Variants in DNAJB9 observed in about 807,000 individuals in gnomAD.
The protein encoded by DNAJB9 is dnaJ homolog subfamily B member 9.
DNAJB9 carries 12 observed loss-of-function variants against 19.2 expected under a neutral mutation model. The observed-to-expected ratio is 0.62, with a 90% CI of 0.40 to 1.01. The LOEUF (loss-of-function observed/expected upper bound fraction) is 1.01, where lower values mean the gene tolerates loss of function less well. DNAJB9 is among the 50% of genes least tolerant of loss of function. The pLI is 0.00. For missense variants in DNAJB9, 272 were observed against 261.1 expected, an observed-to-expected ratio of 1.04 and a Z score of -0.29; for synonymous variants, 83 against 84.0, an observed-to-expected ratio of 0.99 and a Z score of 0.07.
chr7:108,573,104 C>T lies in DNAJB9; in HGVS notation c.423C>T (p.Phe141=). The change falls in exon 3 of 3, where the codon TTC becomes TTT. Residue 141 remains phenylalanine (F), a synonymous_variant. Transcript: ENST00000249356. ...TGSKKRFENH[F]QTRQDGGSSR... ...CCAAGAAGCGTTTTGAAAATCATTT[C>T]CAGACACGCCAGGATGGTGGTTCCA... is the stretch of plus-strand genomic sequence containing the variant. The T allele has an allele frequency of 6.2e-7, 1 of 1,614,048 alleles. No homozygotes were observed. Among genetic ancestry groups the T allele is most frequent in the South Asian group, 1.1e-5 (1 of 91,086 alleles).
intron 1 of DNAJB9, among the ~76,000 whole-genome samples, chr7:108,570,512 A>T (rs1310962650): frequency 1.3e-5 from 2 of 152,020 alleles, no homozygotes; most frequent in Non-Finnish European, 2.9e-5. Context: ...GCTAAAAAAA[A>T]ATCATTAGAT....
In DNAJB9 at chr7:108,573,178, T is replaced by A; in HGVS notation, c.497T>A (p.Phe166Tyr). 1 of 1,614,076 alleles carries A rather than the reference T, an allele frequency of 6.2e-7. No homozygotes were observed. The highest frequency in any genetic ancestry group is 8.5e-7 in the Non-Finnish European group (1 of 1,179,946). ...FQEFSFGGGL[F>Y]DDMFEDMEKM... is the part of the protein sequence containing the mutation. ...GAATTTTCTTTTGGAGGTGGATTAT[T>A]TGATGACATGTTTGAAGATATGGAG... Residue 166 changes from phenylalanine (F) to tyrosine (Y), a missense_variant, in exon 3 of 3, where the codon TTT becomes TAT. Transcript: ENST00000249356.
Position 108,573,039 on chromosome 7 carries a change from A to G in DNAJB9, c.358A>G (p.Lys120Glu). ...TAACTTCAATTTTGATGACTTATTT[A>G]AAGACTTTGGCTTTTTTGGTCAAAA... is the stretch of plus-strand genomic sequence containing the variant. ...SFNFNFDDLFKDFGFFGQNQN... is the reference protein window; with the variant it reads ...SFNFNFDDLFEDFGFFGQNQN... Residue 120 changes from lysine to glutamate, a missense_variant, in exon 3 of 3, where the codon AAA (lysine) becomes GAA (glutamate). Lys to Glu is a moderately conservative substitution (Grantham distance 56). Coordinates refer to ENST00000249356, the MANE Select transcript of DNAJB9 (RefSeq NM_012328.3). 6.2e-7 allele frequency: 1 copy of G among 1,614,048 alleles called. No homozygotes were observed. The highest frequency in any genetic ancestry group is 8.5e-7 in the Non-Finnish European group (1 of 1,179,940).
chr7:108,571,575 A>C (rs767933249), intron 1 of DNAJB9, 142 bp from the exon 2 acceptor site: 255 of 667,158 alleles, frequency 3.8e-4, no homozygotes, highest in Middle Eastern at 3.4e-3. Flanking sequence ...TAAAAGTGAA[A>C]TTACATGTGG....
intron 1 of DNAJB9, among the ~76,000 whole-genome samples, chr7:108,570,735 A>G (rs1564013883): frequency 6.6e-6 from 1 of 152,076 alleles, no homozygotes; most frequent in Non-Finnish European, 1.5e-5. Flanking sequence ...CCTGCCTGCT[A>G]ATTACTCTCA....
chr7:108,571,302 G>GTT (rs139814186), intron 1 of DNAJB9, among the ~76,000 whole-genome samples: 8 of 145,200 alleles, frequency 5.5e-5, no homozygotes, highest in African/African-American at 2.0e-4. Context: ...TTTTTTTAAT[G>GTT]TTTTTTTTTT....
intron 1 of DNAJB9, among the ~76,000 whole-genome samples, chr7:108,570,602 A>G (rs934504704): frequency 9.2e-5 from 14 of 152,222 alleles, no homozygotes; most frequent in African/African-American, 3.4e-4. Flanking sequence ...CCCTTTGACT[A>G]GGGAGCAACC....
intron 1 of DNAJB9, 137 bp from the exon 2 acceptor site, chr7:108,571,580 A>G: frequency 3.0e-6 from 2 of 672,948 alleles, no homozygotes; most frequent in South Asian, 2.0e-5. Flanking sequence ...GTGAAATTAC[A>G]TGTGGACAGG....
intron 1 of DNAJB9, 61 bp from the exon 2 acceptor site, chr7:108,571,656 A>T: frequency 7.0e-7 from 1 of 1,427,840 alleles, no homozygotes; most frequent in Non-Finnish European, 9.6e-7. Context: ...GATTTCTTTT[A>T]AAAGAAAAAC....
At position 108,573,256 on chromosome 7, in the gene DNAJB9, C is replaced by T. The variant is rs1790648008; in HGVS notation, c.575C>T (p.Thr192Ile). ...FDSTNQHTVQ[T>I]ENRFHGSSKH... The stretch of plus-strand genomic sequence containing the variant: ...TCTACCAATCAGCATACAGTACAGA[C>T]TGAAAATAGATTTCATGGATCTAGC... The change falls in exon 3 of 3, where the codon ACT (threonine) becomes ATT (isoleucine). Residue 192 changes from threonine (T) to isoleucine (I), a missense_variant. Physicochemically the swap from Thr to Ile is moderately conservative, Grantham distance 89. Coordinates refer to ENST00000249356, the MANE Select transcript of DNAJB9 (RefSeq NM_012328.3). 1 of 1,613,770 alleles carries T rather than the reference C, an allele frequency of 6.2e-7. No homozygotes were observed. Among genetic ancestry groups the T allele is most frequent in the African/African-American group, 1.3e-5 (1 of 74,912 alleles).
In DNAJB9 at chr7:108,569,920, G is replaced by C; in HGVS notation, c.-194G>C. On this transcript the variant is annotated 5_prime_UTR_variant, in exon 1 of 3. Coordinates refer to ENST00000249356, the MANE Select transcript of DNAJB9 (RefSeq NM_012328.3). Reference sequence around the variant, plus strand: ...ACCTCCTGCCTGTGAGGAGCTGGCTGAGAGGGGACTGGGCGCCGGCGGGGA... The same window carrying C: ...ACCTCCTGCCTGTGAGGAGCTGGCTCAGAGGGGACTGGGCGCCGGCGGGGA... The C allele has an allele frequency of 2.5e-6, 1 of 393,270 alleles. No individual in the cohort carries two copies. The highest frequency in any genetic ancestry group is 4.8e-6 in the Non-Finnish European group (1 of 210,420). The allele number at this position is 393,270 out of a possible 1,614,324, so 24.4% of individuals were successfully genotyped here.
At position 108,574,537 on chromosome 7, in the gene DNAJB9, A is replaced by G. The variant is rs931061423; in HGVS notation, c.*1184A>G. 22 of 152,150 alleles carry G rather than the reference A, an allele frequency of 1.4e-4. No homozygotes were observed. Among genetic ancestry groups the G allele is most frequent in the African/African-American group, 5.1e-4 (21 of 41,446 alleles). 9.4% of individuals were successfully genotyped at this position (152,150 alleles called of 1,614,324 possible). On this transcript the variant is annotated 3_prime_UTR_variant, in exon 3 of 3. Coordinates refer to ENST00000249356, the MANE Select transcript of DNAJB9 (RefSeq NM_012328.3). ...TTTGACCAACCTGAAAACTGATAGGATTTTGTTTGTCATTTGGTAATTTCT... is the reference window on the plus strand; with the variant it reads ...TTTGACCAACCTGAAAACTGATAGGGTTTTGTTTGTCATTTGGTAATTTCT...
At chr7:108,572,066 T>TA in intron 2 of DNAJB9, 123 bp downstream of exon 2, 1 of 808,832 alleles carries the variant, frequency 1.2e-6, no homozygotes, top group Non-Finnish European at 1.9e-6. Flanking sequence ...TATGTATAAA[T>TA]ATTGGGTGAT....
chr7:108,569,911 G>T lies in DNAJB9; in HGVS notation c.-203G>T. ...CCAGCGGCTACCTCCTGCCTGTGAGGAGCTGGCTGAGAGGGGACTGGGCGC... is the reference window on the plus strand; with the variant it reads ...CCAGCGGCTACCTCCTGCCTGTGAGTAGCTGGCTGAGAGGGGACTGGGCGC... On this transcript the variant is annotated 5_prime_UTR_variant, in exon 1 of 3. Transcript: ENST00000249356. 1 of 414,640 alleles carries T rather than the reference G, an allele frequency of 2.4e-6. No individual in the cohort carries two copies. The allele number at this position is 414,640 out of a possible 1,614,324, so 25.7% of individuals were successfully genotyped here.
intron 1 of DNAJB9, among the ~76,000 whole-genome samples, chr7:108,571,234 C>T (rs1003129427): frequency 1.1e-4 from 17 of 150,770 alleles, no homozygotes; most frequent in African/African-American, 4.2e-4. Context: ...ATTTTTGGAG[C>T]GAGATTAATA....
chr7:108,573,990 A>G lies in DNAJB9; in HGVS notation c.*637A>G, dbSNP rs1355040172. On this transcript the variant is annotated 3_prime_UTR_variant, in exon 3 of 3. Transcript: ENST00000249356. ...GTTGAAAACTTAACGAAATATTGCC[A>G]AGAGATTGTTATGTGTTTGGTTCCA... 1 of 152,534 alleles carries G rather than the reference A, an allele frequency of 6.6e-6. No individual in the cohort carries two copies. Among genetic ancestry groups the G allele is most frequent in the Non-Finnish European group, 1.5e-5 (1 of 68,004 alleles). 9.4% of individuals were successfully genotyped at this position (152,534 alleles called of 1,614,324 possible).
In DNAJB9 at chr7:108,573,088, GT is replaced by G; in HGVS notation, c.411del (p.Phe137LeufsTer106). 5 of 1,614,058 alleles carry G rather than the reference GT, an allele frequency of 3.1e-6. No individual in the cohort carries two copies. The highest frequency in any genetic ancestry group is 4.2e-6 in the Non-Finnish European group (5 of 1,179,976). On this transcript the variant is annotated frameshift_variant, in exon 3 of 3. Transcript: ENST00000249356. LOFTEE classifies it high-confidence loss of function. ...AACCAAAACACTGGATCCAAGAAGC[GT>G]TTTGAAAATCATTTCCAGACACGCC... Reference protein sequence around the residue: ...GQNQNTGSKKRFENHFQTRQD... With the variant: ...GQNQNTGSKKXFENHFQTRQD...
In DNAJB9 at chr7:108,574,426, A is replaced by G. The variant is rs1790671189; in HGVS notation, c.*1073A>G. The stretch of plus-strand genomic sequence containing the variant: ...GATATTCGTTGTTGTTTTATTGTTA[A>G]AAGTTTATTATGCAACTCTGGAGGT... On this transcript the variant is annotated 3_prime_UTR_variant, in exon 3 of 3. Transcript: ENST00000249356. The G allele has an allele frequency of 6.6e-6, 1 of 152,368 alleles. No homozygotes were observed. The highest frequency in any genetic ancestry group is 2.4e-5 in the African/African-American group (1 of 41,456). 9.4% of individuals were successfully genotyped at this position (152,368 alleles called of 1,614,324 possible).
At chr7:108,570,554 T>A (rs1487609191) in intron 1 of DNAJB9, among the ~76,000 whole-genome samples, 1 of 152,198 alleles carries the variant, frequency 6.6e-6, no homozygotes, top group East Asian at 1.9e-4. Context: ...TAACGTCTGC[T>A]GAACCAGTGA....
Sources: gnomAD v4.1 joint callset for allele counts (sites outside exome capture counted in the v4.1 genomes callset) on GRCh38, gnomAD v4.1.1 for gene constraint, MANE v1.5 for transcripts, NCBI Gene and HGNC (gene_info 2026-07-23, HGNC 2026-07-21) for gene names.